ZFYVE9: variants seen among roughly 807,000 people sequenced by gnomAD.
The protein encoded by ZFYVE9 is zinc finger FYVE domain-containing protein 9.
In ZFYVE9, 43 loss-of-function variants were observed where a neutral mutation model predicts 126.7. The ratio of observed to expected loss-of-function variants is 0.34; its 90% confidence interval spans 0.27 to 0.44. The LOEUF (loss-of-function observed/expected upper bound fraction) is 0.44. Among genes scored for constraint, ZFYVE9 ranks in the 20% least tolerant of loss-of-function variants. ZFYVE9 has a pLI of 1.00. For missense variants in ZFYVE9, 1,476 were observed against 1,697.0 expected (o/e 0.87, Z 2.29); for synonymous variants, 521 against 597.4 (o/e 0.87, Z 1.87).
At chr1:52,240,949 G>C (rs1645327960) in intron 4 of ZFYVE9, among the ~76,000 whole-genome samples, 1 of 152,152 alleles carries the variant, frequency 6.6e-6, no homozygotes, top group South Asian at 2.1e-4. Context: ...CAAAGGAGAA[G>C]GGGAAGTAGT....
intron 1 of ZFYVE9, among the ~76,000 whole-genome samples, chr1:52,148,464 G>C (rs1644324509): frequency 1.3e-5 from 2 of 151,398 alleles, no homozygotes; most frequent in African/African-American, 2.4e-5. Flanking sequence ...CTCCAGCCTG[G>C]GCAAGAAGAG....
At chr1:52,300,952 C>T (rs1421509932) in intron 12 of ZFYVE9, among the ~76,000 whole-genome samples, 3 of 150,704 alleles carry the variant, frequency 2.0e-5, no homozygotes, top group East Asian at 2.0e-4. Flanking sequence ...TTCCACCTCC[C>T]GGGCTCAAGC....
In ZFYVE9 at chr1:52,239,181, A is replaced by G; in HGVS notation, c.1764A>G (p.Lys588=). Residue 588 remains lysine, a synonymous_variant, in exon 4 of 19, where the codon AAA becomes AAG. Transcript: ENST00000287727. ...GACCCAAGCAACCTTCTAATCTTAA[A>G]CTTCAAATTCCAAAGCCATTATCAG... is the stretch of plus-strand genomic sequence containing the variant. The part of the protein sequence containing the change: ...GARPKQPSNL[K]LQIPKPLSDH... 1 of 1,614,096 alleles carries G rather than the reference A, an allele frequency of 6.2e-7. No homozygotes were observed. The highest frequency in any genetic ancestry group is 8.5e-7 in the Non-Finnish European group (1 of 1,180,020).
intron 1 of ZFYVE9, among the ~76,000 whole-genome samples, chr1:52,158,690 T>C (rs1644426306): frequency 6.6e-6 from 1 of 152,188 alleles, no homozygotes; most frequent in African/African-American, 2.4e-5. Context: ...TAAGGACCTG[T>C]TTGTGAGCTA....
intron 17 of ZFYVE9, among the ~76,000 whole-genome samples, chr1:52,343,211 C>T (rs776160732): frequency 1.8e-4 from 27 of 151,924 alleles, no homozygotes; most frequent in Non-Finnish European, 3.8e-4. Context: ...CATGAGCCAC[C>T]GTGCCCGGCC....
At chr1:52,326,450 A>G (rs759487921) in intron 13 of ZFYVE9, among the ~76,000 whole-genome samples, 12 of 152,196 alleles carry the variant, frequency 7.9e-5, no homozygotes, top group Non-Finnish European at 1.8e-4. Flanking sequence ...TGAAATAGTT[A>G]CTTTTATTAT....
intron 7 of ZFYVE9, among the ~76,000 whole-genome samples, chr1:52,272,297 A>G (rs1387831935): frequency 6.6e-6 from 1 of 152,252 alleles, no homozygotes; most frequent in Non-Finnish European, 1.5e-5. Flanking sequence ...CACACATAAA[A>G]TATGTAAGCA....
intron 7 of ZFYVE9, among the ~76,000 whole-genome samples, chr1:52,270,511 T>A (rs144563629): frequency 7.2e-5 from 11 of 152,212 alleles, no homozygotes; most frequent in East Asian, 5.8e-4. Context: ...TGATCTGCCC[T>A]CCTTGGCCTC....
At chr1:52,220,762 C>T (rs1645116956) in intron 2 of ZFYVE9, among the ~76,000 whole-genome samples, 1 of 152,104 alleles carries the variant, frequency 6.6e-6, no homozygotes. Context: ...CTCTCCTGAG[C>T]TCCTATTTTC....
chr1:52,252,690 C>G, intron 4 of ZFYVE9: 1 of 388,408 alleles, frequency 2.6e-6, no homozygotes, highest in South Asian at 2.0e-5. Flanking sequence ...TTCCACATGC[C>G]TTATATAAGG....
chr1:52,241,984 T>C (rs1645338165), intron 4 of ZFYVE9, among the ~76,000 whole-genome samples: 1 of 151,426 alleles, frequency 6.6e-6, no homozygotes, highest in South Asian at 2.1e-4. Context: ...GGCTAGGTAA[T>C]GGGGATTCAG....
At chr1:52,340,358 T>G (rs1469945696) in intron 17 of ZFYVE9, 127 bp downstream of exon 17, 1 of 678,954 alleles carries the variant, frequency 1.5e-6, no homozygotes. Flanking sequence ...CTTTCTCGTT[T>G]ATACTACAAT....
chr1:52,301,659 A>T (rs1332885730), intron 12 of ZFYVE9, among the ~76,000 whole-genome samples: 1 of 152,190 alleles, frequency 6.6e-6, no homozygotes. Flanking sequence ...CAAATTGATT[A>T]TAATGTGCCA....
In ZFYVE9 at chr1:52,158,660, C is replaced by T. The variant is rs187151765; in HGVS notation, c.-143+16257C>T. On this transcript the variant is annotated intron_variant, in intron 1 of 18. Transcript: ENST00000287727. ...TCCTGAGTTTGTTCTTCATCTTTTA[C>T]TGCCTCCCTTCGTAGGTGATAAGGA... 2.0e-5 allele frequency among the ~76,000 whole-genome samples: 3 copies of T among 152,308 alleles called. No individual in the cohort carries two copies. The East Asian group carries it at 5.8e-4, about 29-fold the overall frequency.
intron 1 of ZFYVE9, among the ~76,000 whole-genome samples, chr1:52,146,163 G>T (rs1483823454): frequency 1.3e-5 from 2 of 152,006 alleles, no homozygotes; most frequent in African/African-American, 4.8e-5. Context: ...AAGTAGTCTA[G>T]AGATTATTTA....
At chr1:52,270,448 T>C (rs562507656) in intron 7 of ZFYVE9, among the ~76,000 whole-genome samples, 5 of 152,178 alleles carry the variant, frequency 3.3e-5, no homozygotes, top group Admixed American at 3.3e-4. Context: ...GTATTTTTAG[T>C]AGAGATGGGG....
chr1:52,253,586 C>A, intron 4 of ZFYVE9: 1 of 990,678 alleles, frequency 1.0e-6, no homozygotes, highest in South Asian at 1.3e-5. Flanking sequence ...ATCCTGAGAA[C>A]CTGAGTTTTG....
At chr1:52,282,363 T>C (rs561143014) in intron 10 of ZFYVE9, among the ~76,000 whole-genome samples, 43 of 152,312 alleles carry the variant, frequency 2.8e-4, no homozygotes, top group African/African-American at 9.9e-4. Context: ...GACATTATAG[T>C]TATTTATTAT....
intron 4 of ZFYVE9, chr1:52,252,671 T>C: frequency 2.9e-6 from 1 of 350,160 alleles, no homozygotes; most frequent in Admixed American, 3.4e-5. Context: ...AAATTTGTTT[T>C]ACTTGAGGTT....
Sources: allele counts gnomAD v4.1 joint callset (sites outside exome capture counted in the v4.1 genomes callset), GRCh38; gene constraint gnomAD v4.1.1; transcripts MANE v1.5; gene names NCBI Gene and HGNC (gene_info 2026-07-23, HGNC 2026-07-21).